NCK1: variants seen among roughly 807,000 people sequenced by gnomAD.
NCK1 encodes SH2/SH3 adapter protein NCK1.
NCK1 carries 19 observed loss-of-function variants against 36.6 expected under a neutral mutation model. That is an observed-to-expected ratio of 0.52 (90% CI 0.36 to 0.76). The LOEUF (loss-of-function observed/expected upper bound fraction) is 0.76, where lower values mean the gene tolerates loss of function less well. Ranked by LOEUF, NCK1 falls within the 30% of genes least tolerant of loss-of-function variation. The pLI is 0.00. For synonymous variants in NCK1, 165 were observed against 156.0 expected (o/e 1.06, Z -0.43); for missense variants, 358 against 445.6 (o/e 0.80, Z 1.77).
chr3:136,865,400 A>G (rs968785918), intron 1 of NCK1, among the ~76,000 whole-genome samples: 1 of 152,168 alleles, frequency 6.6e-6, no homozygotes, highest in Non-Finnish European at 1.5e-5. Context: ...TCATTTTTCA[A>G]AAATTTTCTA....
At chr3:136,874,529 A>G (rs1938712635) in intron 1 of NCK1, among the ~76,000 whole-genome samples, 2 of 152,308 alleles carry the variant, frequency 1.3e-5, no homozygotes, top group African/African-American at 4.8e-5. Context: ...CTGGCTGTAT[A>G]TACACATTGG....
chr3:136,936,155 C>T (rs559901741), intron 2 of NCK1, among the ~76,000 whole-genome samples: 2 of 151,934 alleles, frequency 1.3e-5, no homozygotes, highest in East Asian at 3.9e-4. Context: ...ATTCTCCTGC[C>T]TCAGCCTCCC....
intron 2 of NCK1, among the ~76,000 whole-genome samples, chr3:136,936,145 A>G (rs1285407914): frequency 2.7e-5 from 4 of 148,654 alleles, no homozygotes; most frequent in Non-Finnish European, 5.9e-5. Flanking sequence ...GGTTCAAGTG[A>G]TTCTCCTGCC....
Position 136,928,234 on chromosome 3 carries a change from TA to T in NCK1, c.226+8del, listed in dbSNP as rs750918907. The stretch of plus-strand genomic sequence containing the variant: ...AACCTAAAGGATACCTTAGGTAAGA[TA>T]TTTTTTAAAAGAAAAGCAACTTTGT... On this transcript the variant is annotated splice_region_variant and intron_variant, in intron 2 of 3. Coordinates refer to ENST00000481752, the MANE Select transcript of NCK1 (RefSeq NM_001291999.2). 9.5e-6 allele frequency: 15 copies of T among 1,583,720 alleles called. No homozygotes were observed. The highest frequency in any genetic ancestry group is 1.2e-5 in the Non-Finnish European group (14 of 1,170,110).
intron 1 of NCK1, among the ~76,000 whole-genome samples, chr3:136,911,326 A>G (rs536257256): frequency 6.6e-5 from 10 of 152,278 alleles, no homozygotes; most frequent in South Asian, 2.1e-4. Flanking sequence ...AGGACCCTCC[A>G]TACTCTTTTT....
intron 1 of NCK1, among the ~76,000 whole-genome samples, chr3:136,894,344 C>T (rs199716792): frequency 2.0e-5 from 3 of 152,132 alleles, no homozygotes; most frequent in Non-Finnish European, 4.4e-5. Flanking sequence ...TTTCTAAACC[C>T]GTGCATCTCA....
chr3:136,890,146 G>GGGA (rs1939198612), intron 1 of NCK1, among the ~76,000 whole-genome samples: 1 of 152,198 alleles, frequency 6.6e-6, no homozygotes, highest in Admixed American at 6.5e-5. Flanking sequence ...CTGCCCCACG[G>GGGA]GGAGGCAGCT....
chr3:136,901,225 C>T (rs1404946937), intron 1 of NCK1, among the ~76,000 whole-genome samples: 1 of 149,042 alleles, frequency 6.7e-6, no homozygotes, highest in Non-Finnish European at 1.5e-5. Context: ...TTTGTGTAAC[C>T]ATCCTTGCCT....
intron 1 of NCK1, among the ~76,000 whole-genome samples, chr3:136,869,897 T>G (rs1938557063): frequency 6.6e-6 from 1 of 152,190 alleles, no homozygotes; most frequent in African/African-American, 2.4e-5. Flanking sequence ...TTCCTGAAAT[T>G]GTAAGTAATG....
chr3:136,890,238 C>T (rs1365461303), intron 1 of NCK1, among the ~76,000 whole-genome samples: 7 of 151,832 alleles, frequency 4.6e-5, no homozygotes, highest in East Asian at 2.0e-4. Flanking sequence ...GTTGCTGGCC[C>T]GGGTGCTAAG....
intron 1 of NCK1, among the ~76,000 whole-genome samples, chr3:136,890,406 G>A (rs1259387431): frequency 6.6e-6 from 1 of 152,210 alleles, no homozygotes; most frequent in Non-Finnish European, 1.5e-5. Context: ...CCCAAGCTGA[G>A]GGAGCAGGCT....
At chr3:136,887,365 T>G (rs950095498) in intron 1 of NCK1, among the ~76,000 whole-genome samples, 1 of 152,136 alleles carries the variant, frequency 6.6e-6, no homozygotes, top group African/African-American at 2.4e-5. Flanking sequence ...AATGGAAAAG[T>G]TACTGTTGCC....
chr3:136,930,344 TG>T, intron 2 of NCK1: 1 of 738,952 alleles, frequency 1.4e-6, no homozygotes, highest in South Asian at 7.1e-5. Flanking sequence ...TTTTTGGCCA[TG>T]ATTATTTACT....
intron 1 of NCK1, among the ~76,000 whole-genome samples, chr3:136,897,965 G>A (rs1439794175): frequency 6.6e-6 from 1 of 152,140 alleles, no homozygotes; most frequent in East Asian, 1.9e-4. Context: ...CTAAATACTT[G>A]ACAACTACTT....
chr3:136,912,846 G>A (rs929323334), intron 1 of NCK1, among the ~76,000 whole-genome samples: 1 of 115,776 alleles, frequency 8.6e-6, no homozygotes, highest in African/African-American at 3.2e-5. Flanking sequence ...TAGAAGCAGG[G>A]TCTTGCTGTT....
At chr3:136,927,928 C>T in intron 1 of NCK1, 56 bp from the exon 2 acceptor site, 2 of 1,219,832 alleles carry the variant, frequency 1.6e-6, no homozygotes, top group East Asian at 2.3e-5. Flanking sequence ...TTTTGAAAAG[C>T]ATGTGAACTA....
chr3:136,947,674 T>C (rs1415208309), intron 3 of NCK1, among the ~76,000 whole-genome samples: 2 of 152,216 alleles, frequency 1.3e-5, no homozygotes. Context: ...GGTGATACAC[T>C]GTCATTTCCT....
intron 1 of NCK1, among the ~76,000 whole-genome samples, chr3:136,878,485 T>C (rs1938836966): frequency 6.6e-6 from 1 of 152,156 alleles, no homozygotes; most frequent in East Asian, 1.9e-4. Flanking sequence ...TATCCAGAAA[T>C]TGTGTATTTG....
chr3:136,939,972 C>A (rs1307965556), intron 2 of NCK1, among the ~76,000 whole-genome samples: 1 of 151,482 alleles, frequency 6.6e-6, no homozygotes, highest in African/African-American at 2.4e-5. Context: ...CCAACTCAGC[C>A]TCCTGAGTAG....
Sources: gnomAD v4.1 joint callset for allele counts (sites outside exome capture counted in the v4.1 genomes callset) on GRCh38, gnomAD v4.1.1 for gene constraint, MANE v1.5 for transcripts, NCBI Gene and HGNC (gene_info 2026-07-23, HGNC 2026-07-21) for gene names.